The following CXADR variants were observed in gnomAD, a reference collection of about 807,000 sequenced individuals.
CXADR encodes the protein coxsackievirus and adenovirus receptor.
Under a neutral mutation model 40.3 loss-of-function variants are expected in CXADR, and 20 were observed. That is an observed-to-expected ratio of 0.50 (90% CI 0.35 to 0.72). The LOEUF (loss-of-function observed/expected upper bound fraction) is 0.72. CXADR is among the 30% of genes least tolerant of loss of function. CXADR has a pLI of 0.01. For synonymous variants in CXADR, 150 were observed against 161.3 expected (o/e 0.93, Z 0.53); for missense variants, 332 against 449.1 (o/e 0.74, Z 2.36).
intron 7 of CXADR, among the ~76,000 whole-genome samples, chr21:17,578,851 A>G (rs926475714): frequency 6.6e-6 from 1 of 152,128 alleles, no homozygotes; most frequent in Non-Finnish European, 1.5e-5. Flanking sequence ...CTAAGGAAGC[A>G]GTACATTTTG....
At chr21:17,623,601 T>C in the CXADR span, among the ~76,000 whole-genome samples, 1 of 152,216 alleles carries the variant, frequency 6.6e-6, no homozygotes, top group South Asian at 2.1e-4. Flanking sequence ...AACTTCAAAC[T>C]TGTGTATCTA....
Position 17,565,868 on chromosome 21 carries a change from C to A in CXADR, c.*176C>A. 7.8e-7 allele frequency: 1 copy of A among 1,287,956 alleles called. No homozygotes were observed. The highest frequency in any genetic ancestry group is 2.9e-5 in the South Asian group (1 of 34,736). 79.8% of individuals were successfully genotyped at this position (1,287,956 alleles called of 1,614,324 possible). A position where few individuals can be genotyped will look rare whatever the true frequency, so the allele number is the denominator to read the frequency against. On this transcript the variant is annotated 3_prime_UTR_variant, in exon 7 of 7. Transcript: ENST00000284878. ...TTGTTTGGTTATATCGAAATAGTTA[C>A]AGGCACTAAAGTTAGTAAAGAAAAG...
At chr21:17,528,979 A>T (rs1316248874) in intron 1 of CXADR, among the ~76,000 whole-genome samples, 3 of 151,056 alleles carry the variant, frequency 2.0e-5, no homozygotes, top group Non-Finnish European at 2.9e-5. Flanking sequence ...TGTGATGCAC[A>T]GCTGTGTGGC....
downstream of CXADR, among the ~76,000 whole-genome samples, chr21:17,597,367 T>C (rs1391203902): frequency 6.6e-6 from 1 of 151,960 alleles, no homozygotes; most frequent in Non-Finnish European, 1.5e-5. Context: ...TAATTTGCAA[T>C]ATATAATCCA....
At chr21:17,578,951 T>C (rs1245576559) in intron 7 of CXADR, among the ~76,000 whole-genome samples, 1 of 151,904 alleles carries the variant, frequency 6.6e-6, no homozygotes, top group African/African-American at 2.4e-5. Flanking sequence ...CCTCCCCACA[T>C]CCCCCCTTCA....
the CXADR span, among the ~76,000 whole-genome samples, chr21:17,602,016 G>A: frequency 1.3e-5 from 2 of 152,122 alleles, no homozygotes; most frequent in African/African-American, 4.8e-5. Context: ...TATCTTAGGA[G>A]AATTAGTAGA....
chr21:17,587,391 C>G (rs1211256197), intron 7 of CXADR, among the ~76,000 whole-genome samples: 2 of 152,160 alleles, frequency 1.3e-5, no homozygotes, highest in African/African-American at 4.8e-5. Flanking sequence ...CACATCCTCT[C>G]CAGCACCTGT....
intron 2 of CXADR, among the ~76,000 whole-genome samples, chr21:17,550,138 C>G (rs186888037): frequency 6.6e-6 from 1 of 152,220 alleles, no homozygotes; most frequent in African/African-American, 2.4e-5. Flanking sequence ...AGGCGGATCA[C>G]AAGGTCAGGA....
chr21:17,631,420 A>G, the CXADR span, among the ~76,000 whole-genome samples: 1 of 152,240 alleles, frequency 6.6e-6, no homozygotes, highest in African/African-American at 2.4e-5. Flanking sequence ...AGTATTTCAA[A>G]GTGTCAAATA....
At chr21:17,554,295 G>A (rs1172002346) in intron 3 of CXADR, among the ~76,000 whole-genome samples, 2 of 150,216 alleles carry the variant, frequency 1.3e-5, no homozygotes, top group Admixed American at 6.7e-5. Flanking sequence ...GGTGGTAGGG[G>A]ATGGCACATG....
At chr21:17,607,944 C>T in the CXADR span, among the ~76,000 whole-genome samples, 4 of 152,142 alleles carry the variant, frequency 2.6e-5, no homozygotes, top group Admixed American at 2.6e-4. Flanking sequence ...GTAAATGTAC[C>T]TTATACAGCA....
chr21:17,566,466 A>G lies in CXADR; in HGVS notation c.*774A>G. ...ATAGCAGGGATAGATTTTGTTGGTG[A>G]GTAGTCTCATGCCTTGAGATCTGTG... On this transcript the variant is annotated 3_prime_UTR_variant, in exon 7 of 7. Transcript: ENST00000284878. The G allele has an allele frequency of 1.0e-6, 1 of 985,410 alleles. No individual in the cohort carries two copies. The highest frequency in any genetic ancestry group is 1.2e-6 in the Non-Finnish European group (1 of 829,928). 61.0% of individuals were successfully genotyped at this position (985,410 alleles called of 1,614,324 possible). A position where few individuals can be genotyped will look rare whatever the true frequency, so the allele number is the denominator to read the frequency against.
intron 1 of CXADR, chr21:17,543,078 CAAAA>C (rs947269445): frequency 1.2e-5 from 4 of 336,330 alleles, no homozygotes; most frequent in Middle Eastern, 4.3e-4. Context: ...GAAAGAAAAA[CAAAA>C]AACAAAAAAA....
At chr21:17,624,833 TC>T in the CXADR span, among the ~76,000 whole-genome samples, 1 of 151,832 alleles carries the variant, frequency 6.6e-6, no homozygotes, top group African/African-American at 2.4e-5. Context: ...GGAATATTGT[TC>T]CCCCGGTTAA....
At chr21:17,602,639 A>G in the CXADR span, among the ~76,000 whole-genome samples, 7 of 152,196 alleles carry the variant, frequency 4.6e-5, no homozygotes, top group African/African-American at 1.7e-4. Flanking sequence ...GAAAAAAATC[A>G]CATCAGAGCC....
At chr21:17,615,160 C>T in the CXADR span, among the ~76,000 whole-genome samples, 1 of 152,138 alleles carries the variant, frequency 6.6e-6, no homozygotes. Context: ...TAAGTGGAAA[C>T]ATGAGAGAGA....
chr21:17,537,925 A>T (rs963381921), intron 1 of CXADR, among the ~76,000 whole-genome samples: 1 of 152,090 alleles, frequency 6.6e-6, no homozygotes, highest in African/African-American at 2.4e-5. Context: ...TAATTAGAGG[A>T]CATATGTTCT....
chr21:17,615,031 C>G, the CXADR span, among the ~76,000 whole-genome samples: 1 of 152,126 alleles, frequency 6.6e-6, no homozygotes, highest in Non-Finnish European at 1.5e-5. Context: ...GTTTGTGTCC[C>G]TCGCAATATT....
At chr21:17,592,957 T>A (rs982977963) in intron 7 of CXADR, among the ~76,000 whole-genome samples, 12 of 151,908 alleles carry the variant, frequency 7.9e-5, no homozygotes, top group Admixed American at 5.3e-4. Context: ...AAAATAACAA[T>A]AATTTGTGGA....
Sources: allele counts gnomAD v4.1 joint callset (sites outside exome capture counted in the v4.1 genomes callset), GRCh38; gene constraint gnomAD v4.1.1; transcripts MANE v1.5; gene names NCBI Gene and HGNC (gene_info 2026-07-23, HGNC 2026-07-21).